The following ARHGAP32 variants were observed in gnomAD, a reference collection of about 807,000 sequenced individuals.
ARHGAP32 encodes Rho GTPase activating protein 32, also known as rho GTPase-activating protein 32.
ARHGAP32 carries 51 observed loss-of-function variants against 186.5 expected under a neutral mutation model. The ratio of observed to expected loss-of-function variants is 0.27; its 90% confidence interval spans 0.22 to 0.35. The LOEUF (loss-of-function observed/expected upper bound fraction) is 0.35. Ranked by LOEUF, ARHGAP32 falls within the 10% of genes least tolerant of loss-of-function variation. The pLI, the probability that ARHGAP32 is intolerant of heterozygous loss-of-function variation, is 1.00. For missense variants in ARHGAP32, 2,186 were observed against 2,623.5 expected, an observed-to-expected ratio of 0.83 and a Z score of 3.64; for synonymous variants, 950 against 964.3, an observed-to-expected ratio of 0.99 and a Z score of 0.27.
chr11:129,224,472 G>A (rs1232099490), intron 1 of ARHGAP32, among the ~76,000 whole-genome samples: 2 of 152,018 alleles, frequency 1.3e-5, no homozygotes, highest in African/African-American at 4.8e-5. Context: ...AAAGCTTGCA[G>A]CAATCCATGG....
At chr11:129,246,442 T>C (rs547665896) in intron 1 of ARHGAP32, among the ~76,000 whole-genome samples, 3 of 152,252 alleles carry the variant, frequency 2.0e-5, no homozygotes, top group Non-Finnish European at 4.4e-5. Flanking sequence ...AGTAAAATGT[T>C]TTGATAATGA....
Position 128,976,556 on chromosome 11 carries a change from G to A in ARHGAP32, c.2194+7C>T, listed in dbSNP as rs1424310697. ...TAGAATAAAATGACTGATGCTTTTA[G>A]TCTTACCATCAACTGCATGGAGAGA... On this transcript the variant is annotated splice_region_variant and intron_variant, in intron 20 of 22. Transcript: ENST00000682385. 7 of 1,609,778 alleles carry A rather than the reference G, an allele frequency of 4.3e-6. No homozygotes were observed. Among genetic ancestry groups the A allele is most frequent in the African/African-American group, 1.3e-5 (1 of 74,934 alleles).
At chr11:129,266,846 C>T (rs7126586) in intron 1 of ARHGAP32, among the ~76,000 whole-genome samples, 44,482 of 151,930 alleles carry the variant, frequency 0.29, 6,838 homozygotes, top group Middle Eastern at 0.4. Flanking sequence ...TCATCTTGAC[C>T]GGGACCCCAA....
chr11:128,979,719 G>A (rs1269356951), intron 18 of ARHGAP32, among the ~76,000 whole-genome samples: 2 of 152,024 alleles, frequency 1.3e-5, no homozygotes, highest in South Asian at 2.1e-4. Flanking sequence ...ACTAAAATAC[G>A]GGAAGAACAA....
upstream of ARHGAP32, among the ~76,000 whole-genome samples, chr11:129,197,074 C>T (rs1944401797): frequency 6.6e-6 from 1 of 152,020 alleles, no homozygotes; most frequent in African/African-American, 2.4e-5. Context: ...AATAAAAATA[C>T]TTTTCAAAAA....
At chr11:129,251,447 T>C (rs905588026) in intron 1 of ARHGAP32, among the ~76,000 whole-genome samples, 9 of 152,266 alleles carry the variant, frequency 5.9e-5, no homozygotes, top group Non-Finnish European at 8.8e-5. Context: ...AAAATGTATT[T>C]AGGAAAACAG....
chr11:129,279,573 CCTCCGCCTCCTCCG>C (rs1226439565), upstream of ARHGAP32, among the ~76,000 whole-genome samples: 7 of 146,450 alleles, frequency 4.8e-5, no homozygotes, highest in South Asian at 8.3e-4. Context: ...GCCCGCCCAG[CCTCCGCCTCCTCCG>C]CTCCGCCTCC....
intron 2 of ARHGAP32, among the ~76,000 whole-genome samples, chr11:129,149,227 C>T (rs1353122671): frequency 6.6e-6 from 1 of 152,216 alleles, no homozygotes; most frequent in Non-Finnish European, 1.5e-5. Context: ...AATCTTGCTG[C>T]CAGGAAGAAG....
intron 11 of ARHGAP32, among the ~76,000 whole-genome samples, chr11:129,000,056 T>C (rs1946314194): frequency 6.6e-6 from 1 of 152,184 alleles, no homozygotes; most frequent in Non-Finnish European, 1.5e-5. Context: ...CTCTTTCTCA[T>C]TTTGCAAAGA....
chr11:129,242,325 A>C (rs1945029584), intron 1 of ARHGAP32, among the ~76,000 whole-genome samples: 1 of 152,186 alleles, frequency 6.6e-6, no homozygotes, highest in Non-Finnish European at 1.5e-5. Context: ...ACCTCAAACA[A>C]CTGAGGGATT....
At chr11:128,998,594 T>C (rs968735973) in intron 11 of ARHGAP32, 126 bp from the exon 12 acceptor site, 5 of 600,018 alleles carry the variant, frequency 8.3e-6, no homozygotes, top group Non-Finnish European at 1.3e-5. Context: ...TTTATAATCT[T>C]TAGGAAAATG....
At chr11:129,026,244 C>T (rs1250152744) in intron 11 of ARHGAP32, among the ~76,000 whole-genome samples, 1 of 152,048 alleles carries the variant, frequency 6.6e-6, no homozygotes, top group Non-Finnish European at 1.5e-5. Flanking sequence ...CAGGGGATCT[C>T]TCTGTACTAT....
chr11:129,231,182 G>C (rs1355840234), intron 1 of ARHGAP32, among the ~76,000 whole-genome samples: 2 of 152,066 alleles, frequency 1.3e-5, no homozygotes, highest in Admixed American at 6.6e-5. Flanking sequence ...TTTTTACATA[G>C]CACATACTTT....
intron 1 of ARHGAP32, among the ~76,000 whole-genome samples, chr11:129,186,128 G>C (rs1271488030): frequency 6.6e-6 from 1 of 152,132 alleles, no homozygotes; most frequent in Non-Finnish European, 1.5e-5. Context: ...AGAGAGTTCA[G>C]TGCCAAAGTG....
Position 128,970,349 on chromosome 11 carries a change from C to T in ARHGAP32, c.4864G>A (p.Asp1622Asn). ...GGTCTTGGGCAGTAGGCTGGCTCATCATCTGGGGGAACTTCTGTCCGTGAA... is the reference window on the plus strand; with the variant it reads ...GGTCTTGGGCAGTAGGCTGGCTCATTATCTGGGGGAACTTCTGTCCGTGAA... ...PISRTEVPPD[D>N]EPAYCPRPLY... Residue 1622 changes from aspartate to asparagine, a missense_variant, in exon 23 of 23, where the codon GAT becomes AAT. Physicochemically the swap from Asp to Asn is conservative, Grantham distance 23. This residue lies in a region of ARHGAP32 where 1,502 missense variants were observed against 1,570.0 expected (regional missense o/e 0.96). Transcript: ENST00000682385. This position sits in a 1 kb window ranked among gnomAD's most constrained non-coding sequence, Gnocchi z 5.8. The T allele has an allele frequency of 6.2e-7, 1 of 1,614,174 alleles. No homozygotes were observed.
intron 10 of ARHGAP32, among the ~76,000 whole-genome samples, chr11:129,061,497 CAATAACTAAT>C (rs1340878062): frequency 6.6e-6 from 1 of 152,138 alleles, no homozygotes; most frequent in African/African-American, 2.4e-5. Flanking sequence ...AGATTCATTA[CAATAACTAAT>C]AATCGACTAA....
At chr11:129,019,518 C>T (rs1565378917) in intron 11 of ARHGAP32, among the ~76,000 whole-genome samples, 1 of 152,088 alleles carries the variant, frequency 6.6e-6, no homozygotes, top group Non-Finnish European at 1.5e-5. Context: ...AATTATCTCC[C>T]ATCACATTCT....
chr11:129,223,447 T>C (rs1267536354), intron 1 of ARHGAP32, among the ~76,000 whole-genome samples: 2 of 152,128 alleles, frequency 1.3e-5, no homozygotes, highest in Admixed American at 6.6e-5. Flanking sequence ...ACGGATATAA[T>C]AGGCAGTGAA....
At chr11:129,018,466 G>A (rs1390068831) in intron 11 of ARHGAP32, among the ~76,000 whole-genome samples, 5 of 152,270 alleles carry the variant, frequency 3.3e-5, no homozygotes, top group African/African-American at 9.6e-5. Flanking sequence ...TGTGTACTTA[G>A]TATTTTCAAA....
Sources: gnomAD v4.1 joint callset for allele counts (sites outside exome capture counted in the v4.1 genomes callset) on GRCh38, gnomAD v4.1.1 for gene constraint, gnomAD v4.1.1 regional missense constraint, Gnocchi (gnomAD v3.1) non-coding constraint, MANE v1.5 for transcripts, NCBI Gene and HGNC (gene_info 2026-07-23, HGNC 2026-07-21) for gene names.